Variants in SCAMP4 observed in about 807,000 individuals in gnomAD.
SCAMP4 encodes secretory carrier-associated membrane protein 4.
Under a neutral mutation model 32.1 loss-of-function variants are expected in SCAMP4, and 19 were observed. That is an observed-to-expected ratio of 0.59 (90% CI 0.41 to 0.87). The LOEUF (loss-of-function observed/expected upper bound fraction) is 0.87. Among genes scored for constraint, SCAMP4 ranks in the 40% least tolerant of loss-of-function variants. The pLI, the probability that SCAMP4 is intolerant of heterozygous loss-of-function variation, is 0.00. For missense variants in SCAMP4, 302 were observed against 309.0 expected (o/e 0.98, Z 0.17); for synonymous variants, 152 against 132.7 (o/e 1.15, Z -1.00).
chr19:1,923,220 A>G, intron 6 of SCAMP4, 33 bp downstream of exon 6: 2 of 1,508,854 alleles, frequency 1.3e-6, no homozygotes, highest in Non-Finnish European at 9.0e-7. Flanking sequence ...TCCAGCCCTT[A>G]CCCCTTCTCC....
chr19:1,925,558 A>G lies in SCAMP4; in HGVS notation c.*1274A>G, dbSNP rs2145468234. ...CACCATTCACAACGGTTGGGCCAAA[A>G]AGAAACTTTTCCTTCATCATTTCCT... On this transcript the variant is annotated 3_prime_UTR_variant, in exon 7 of 7. Coordinates refer to ENST00000316097, the MANE Select transcript of SCAMP4 (RefSeq NM_079834.4). The G allele has an allele frequency of 6.5e-6, 1 of 153,260 alleles. No homozygotes were observed. Among genetic ancestry groups the G allele is most frequent in the South Asian group, 2.1e-4 (1 of 4,836 alleles). The allele number at this position is 153,260 out of a possible 1,614,324, so 9.5% of individuals were successfully genotyped here.
At chr19:1,920,834 C>G (rs1033726827) in intron 5 of SCAMP4, 1 of 985,400 alleles carries the variant, frequency 1.0e-6, no homozygotes, top group Non-Finnish European at 1.2e-6. Flanking sequence ...TTGGGTGGTC[C>G]TGAGATCCCG....
intron 2 of SCAMP4, among the ~76,000 whole-genome samples, chr19:1,916,898 G>A (rs894982517): frequency 5.9e-5 from 9 of 152,360 alleles, no homozygotes; most frequent in African/African-American, 1.7e-4. Context: ...CCTGCCTGCC[G>A]GAGGGAATGA....
intron 1 of SCAMP4, chr19:1,912,694 T>G: frequency 6.8e-7 from 1 of 1,476,128 alleles, no homozygotes; most frequent in Non-Finnish European, 8.9e-7. Flanking sequence ...GCCGTGGTAG[T>G]GGACCCGGCC....
rs374167073 is a variant in SCAMP4 at position 1,923,176 on chromosome 19, G to A, written c.502G>A (p.Ala168Thr). ...CGTGTCGGCTGCCATGATGGCCATC[G>A]CGATCATGAAGGTGAGTCCTCGGCT... Reference protein sequence around the residue: ...FSVSAAMMAIAIMKVHRIYRG... With the variant: ...FSVSAAMMAITIMKVHRIYRG... The change falls in exon 6 of 7, where the codon GCG becomes ACG. Residue 168 changes from alanine to threonine, a missense_variant. Physicochemically the swap from Ala to Thr is moderately conservative, Grantham distance 58 (BLOSUM62 0). Transcript: ENST00000316097. 138 of 1,549,802 alleles carry A rather than the reference G, an allele frequency of 8.9e-5. No homozygotes were observed. The highest frequency in any genetic ancestry group is 3.4e-4 in the South Asian group (28 of 83,556).
In SCAMP4 at chr19:1,925,943, C is replaced by CCCCGCCGTGTGTGGCT. The variant is rs1568169052; in HGVS notation, c.*1661_*1662insCGCCGTGTGTGGCTCC. On this transcript the variant is annotated 3_prime_UTR_variant, in exon 7 of 7. Coordinates refer to ENST00000316097, the MANE Select transcript of SCAMP4 (RefSeq NM_079834.4). ...CCACCCCTCCCCCGCCGTGTGTGGC[C>CCCCGCCGTGTGTGGCT]CCTCGCCGCATCGTTGGGGTTTTGT... 2.1e-5 allele frequency: 3 copies of CCCCGCCGTGTGTGGCT among 144,646 alleles called. No homozygotes were observed. The highest frequency in any genetic ancestry group is 4.5e-5 in the Non-Finnish European group (3 of 66,814). The allele number at this position is 144,646 out of a possible 1,614,324, so 9.0% of individuals were successfully genotyped here. A position where few individuals can be genotyped will look rare whatever the true frequency, so the allele number is the denominator to read the frequency against.
intron 5 of SCAMP4, 103 bp from the exon 6 acceptor site, chr19:1,922,967 G>A (rs962451257): frequency 4.3e-6 from 6 of 1,395,068 alleles, no homozygotes; most frequent in African/African-American, 1.5e-5. Context: ...TCCACTCCTT[G>A]TTGATTGGCC....
At chr19:1,905,496 G>C in intron 1 of SCAMP4, 57 bp downstream of exon 1, 4 of 432,024 alleles carry the variant, frequency 9.3e-6, no homozygotes, top group South Asian at 6.6e-5. Flanking sequence ...CCCAGAGGGG[G>C]AGTAGGGGCT....
At chr19:1,920,675 C>T in intron 5 of SCAMP4, 1 of 985,532 alleles carries the variant, frequency 1.0e-6, no homozygotes, top group Non-Finnish European at 1.2e-6. Context: ...CAAGGCACTG[C>T]TCGTCATCCT....
intron 1 of SCAMP4, chr19:1,912,307 C>T: frequency 6.4e-7 from 1 of 1,559,672 alleles, no homozygotes; most frequent in Non-Finnish European, 8.6e-7. Context: ...CCGCTCCCCG[C>T]CCAGCCTCAC....
chr19:1,918,928 C>T lies in SCAMP4; in HGVS notation c.333C>T (p.Ile111=), dbSNP rs1418987206. ...TTAATTTCATGGCGTTTTTCTTCAT[C>T]TTCGGAGCCCAGTTTGTCCTGACCG... ...SSFNFMAFFF[I]FGAQFVLTVI... Residue 111 remains isoleucine (I), a synonymous_variant, in exon 5 of 7, where the codon ATC becomes ATT. Coordinates refer to ENST00000316097, the MANE Select transcript of SCAMP4 (RefSeq NM_079834.4). 7 of 1,612,456 alleles carry T rather than the reference C, an allele frequency of 4.3e-6. No individual in the cohort carries two copies. Among genetic ancestry groups the T allele is most frequent in the Middle Eastern group, 1.7e-4 (1 of 6,060 alleles).
intron 4 of SCAMP4, chr19:1,918,539 A>T (rs1599252169): frequency 1.9e-6 from 1 of 526,190 alleles, no homozygotes; most frequent in African/African-American, 1.9e-5. Context: ...AGGCAGGCGG[A>T]TCACCTGAGG....
chr19:1,906,638 C>T (rs147137528), intron 1 of SCAMP4: 6,369 of 151,438 alleles, frequency 0.042, 209 homozygotes, highest in Non-Finnish European at 0.06. Context: ...ATCACGAGAT[C>T]AGGAGATCAA....
At chr19:1,917,577 C>T (rs565075683) in intron 2 of SCAMP4, 117 bp from the exon 3 acceptor site, 10 of 1,154,858 alleles carry the variant, frequency 8.7e-6, no homozygotes, top group East Asian at 2.5e-5. Flanking sequence ...CCCTCAATCC[C>T]AACTGCAGAG....
At chr19:1,918,502 C>A in intron 4 of SCAMP4, 5 of 597,568 alleles carry the variant, frequency 8.4e-6, no homozygotes, top group Non-Finnish European at 1.1e-5. Context: ...TGGCTCAGGC[C>A]TATAATCCCA....
chr19:1,920,290 A>C (rs4807168), intron 5 of SCAMP4: 1 of 985,124 alleles, frequency 1.0e-6, no homozygotes, highest in Non-Finnish European at 1.2e-6. Context: ...CTGGGCTCCC[A>C]TTAGCAAGCT....
intron 1 of SCAMP4, among the ~76,000 whole-genome samples, chr19:1,910,283 G>C (rs12971714): frequency 0.069 from 10,488 of 152,292 alleles, 482 homozygotes; most frequent in East Asian, 0.12. Flanking sequence ...GAATTCAGCA[G>C]CTTGCGGCCG....
chr19:1,910,365 C>T (rs546893740), intron 1 of SCAMP4, among the ~76,000 whole-genome samples: 100 of 152,314 alleles, frequency 6.6e-4, no homozygotes, highest in Non-Finnish European at 1.2e-3. Flanking sequence ...CGCCTGTCCC[C>T]GCTTCTGCTT....
intron 1 of SCAMP4, among the ~76,000 whole-genome samples, chr19:1,911,521 C>G (rs1256892826): frequency 6.6e-6 from 1 of 152,204 alleles, no homozygotes; most frequent in African/African-American, 2.4e-5. Flanking sequence ...CGCAGTGACT[C>G]ACACCTGTAA....
Sources: allele counts gnomAD v4.1 joint callset (sites outside exome capture counted in the v4.1 genomes callset), GRCh38; gene constraint gnomAD v4.1.1; transcripts MANE v1.5; gene names NCBI Gene and HGNC (gene_info 2026-07-23, HGNC 2026-07-21).